The following HCFC2 variants were observed in gnomAD, a reference collection of about 807,000 sequenced individuals.
HCFC2 encodes the protein host cell factor 2.
HCFC2 carries 18 observed loss-of-function variants against 89.2 expected under a neutral mutation model. The ratio of observed to expected loss-of-function variants is 0.20; its 90% CI spans 0.14 to 0.30. The LOEUF (loss-of-function observed/expected upper bound fraction) is 0.30, where lower values mean the gene tolerates loss of function less well. Ranked by LOEUF, HCFC2 falls within the 10% of genes least tolerant of loss-of-function variation. The pLI, the probability that HCFC2 is intolerant of heterozygous loss-of-function variation, is 1.00. For missense variants in HCFC2, 578 were observed against 956.1 expected (o/e 0.60, Z 5.21); for synonymous variants, 308 against 335.7 (o/e 0.92, Z 0.90).
chr12:104,086,619 A>AAAATAAAT (rs58372181), intron 7 of HCFC2, among the ~76,000 whole-genome samples: 25,065 of 146,390 alleles, frequency 0.17, 2,126 homozygotes, highest in East Asian at 0.2. Context: ...TTTGTCTAAG[A>AAAATAAAT]AAATAAATAA....
At chr12:104,096,477 T>A (rs376296838) in intron 12 of HCFC2, 44 bp downstream of exon 12, 133 of 1,357,746 alleles carry the variant, frequency 9.8e-5, no homozygotes, top group Non-Finnish European at 8.7e-5. Flanking sequence ...CACATGATTA[T>A]GTACTTTTAA....
At chr12:104,101,693 C>T (rs1008276521) in intron 13 of HCFC2, among the ~76,000 whole-genome samples, 7 of 152,058 alleles carry the variant, frequency 4.6e-5, no homozygotes, top group South Asian at 2.1e-4. Context: ...ACATTGTTCA[C>T]GTGCAGAATG....
intron 3 of HCFC2, among the ~76,000 whole-genome samples, chr12:104,076,762 C>CTTGTATT (rs1303429058): frequency 1.4e-5 from 2 of 148,122 alleles, no homozygotes; most frequent in East Asian, 4.3e-4. Flanking sequence ...TTATTCTGCG[C>CTTGTATT]TTGTATTTTG....
chr12:104,100,361 T>C (rs1362578297), intron 13 of HCFC2, among the ~76,000 whole-genome samples: 2 of 152,060 alleles, frequency 1.3e-5, no homozygotes, highest in African/African-American at 4.8e-5. Context: ...TGGGAGGAGC[T>C]TGAGCCCAGG....
intron 14 of HCFC2, among the ~76,000 whole-genome samples, chr12:104,102,355 A>C (rs773492196): frequency 6.6e-6 from 1 of 152,174 alleles, no homozygotes; most frequent in Non-Finnish European, 1.5e-5. Flanking sequence ...GTACATGTGC[A>C]GGTTTGTTAC....
chr12:104,102,953 T>C lies in HCFC2; in HGVS notation c.2065-6T>C, dbSNP rs976544429. On this transcript the variant is annotated splice_polypyrimidine_tract_variant and splice_region_variant and intron_variant, in intron 14 of 14. Transcript: ENST00000229330. ...CTTTAACCTGTTTTTTCCCCCCCCCTTCAAGAATGTTGAAGGTATCCACCT... is the reference window on the plus strand; with the variant it reads ...CTTTAACCTGTTTTTTCCCCCCCCCCTCAAGAATGTTGAAGGTATCCACCT... 2.6e-6 allele frequency: 4 copies of C among 1,566,936 alleles called. No homozygotes were observed. Among genetic ancestry groups the C allele is most frequent in the Non-Finnish European group, 3.5e-6 (4 of 1,146,392 alleles).
At chr12:104,087,443 ATGTG>A (rs201321288) in intron 8 of HCFC2, among the ~76,000 whole-genome samples, 3 of 96,142 alleles carry the variant, frequency 3.1e-5, no homozygotes, top group Non-Finnish European at 4.1e-5. Context: ...GTGTGTGTGT[ATGTG>A]TGTGTGTATA....
At chr12:104,087,153 G>A (rs1883878048) in intron 8 of HCFC2, 139 bp downstream of exon 8, 2 of 708,904 alleles carry the variant, frequency 2.8e-6, no homozygotes, top group Non-Finnish European at 4.5e-6. Context: ...TCAGGAGTTT[G>A]AGACCAGCCT....
At chr12:104,101,233 C>T (rs564865877) in intron 13 of HCFC2, among the ~76,000 whole-genome samples, 7 of 152,184 alleles carry the variant, frequency 4.6e-5, no homozygotes, top group Non-Finnish European at 1.0e-4. Flanking sequence ...CCTGTAATCC[C>T]AGCACTTTGG....
At chr12:104,082,175 A>T (rs923212324) in intron 5 of HCFC2, among the ~76,000 whole-genome samples, 2 of 152,224 alleles carry the variant, frequency 1.3e-5, no homozygotes, top group African/African-American at 2.4e-5. Flanking sequence ...TCATAGATCA[A>T]TTGAGTGTCT....
intron 8 of HCFC2, among the ~76,000 whole-genome samples, chr12:104,087,466 CATATATATAT>C (rs10548496): frequency 1.3e-4 from 18 of 139,458 alleles, no homozygotes; most frequent in African/African-American, 4.5e-4. Flanking sequence ...TATATATATA[CATATATATAT>C]ATATATATGT....
chr12:104,093,669 G>A, intron 10 of HCFC2, 106 bp downstream of exon 10: 1 of 906,874 alleles, frequency 1.1e-6, no homozygotes, highest in South Asian at 1.6e-5. Context: ...TTTCCTAATA[G>A]CAAAAAACTG....
chr12:104,102,929 T>A, intron 14 of HCFC2, 30 bp from the exon 15 acceptor site: 1 of 1,574,624 alleles, frequency 6.4e-7, no homozygotes, highest in African/African-American at 1.4e-5. Context: ...CTTAAGAACC[T>A]TTAACCTGTT....
At chr12:104,090,421 G>A (rs1334017873) in intron 9 of HCFC2, among the ~76,000 whole-genome samples, 2 of 151,940 alleles carry the variant, frequency 1.3e-5, no homozygotes, top group Non-Finnish European at 2.9e-5. Flanking sequence ...CATTTGGTGT[G>A]CCTCACCCAG....
At chr12:104,075,571 A>C (rs1389438527) in intron 3 of HCFC2, among the ~76,000 whole-genome samples, 1 of 147,356 alleles carries the variant, frequency 6.8e-6, no homozygotes, top group Non-Finnish European at 1.5e-5. Flanking sequence ...CTATACTCCC[A>C]CCTCAGCCTT....
chr12:104,080,247 A>G (rs1883644763), intron 4 of HCFC2, among the ~76,000 whole-genome samples: 1 of 152,190 alleles, frequency 6.6e-6, no homozygotes, highest in Non-Finnish European at 1.5e-5. Flanking sequence ...ATCCCTCGGT[A>G]TCTGTGGAAG....
At chr12:104,069,310 AAAC>A (rs1566224167) in intron 3 of HCFC2, among the ~76,000 whole-genome samples, 2 of 151,924 alleles carry the variant, frequency 1.3e-5, no homozygotes, top group Non-Finnish European at 2.9e-5. Context: ...TATCTTAAAA[AAAC>A]AAACAAACAA....
Position 104,103,411 on chromosome 12 carries a change from G to A in HCFC2, c.*138G>A, listed in dbSNP as rs2030008099. 2.9e-6 allele frequency: 2 copies of A among 697,186 alleles called. No homozygotes were observed. The highest frequency in any genetic ancestry group is 1.8e-5 in the African/African-American group (1 of 55,586). 43.2% of individuals were successfully genotyped at this position (697,186 alleles called of 1,614,324 possible). ...TGAGTTTGTAAATTGTTCTTAAAAT[G>A]TATTTGCTGAATTATAGATCCAAAT... On this transcript the variant is annotated 3_prime_UTR_variant, in exon 15 of 15. Coordinates refer to ENST00000229330, the MANE Select transcript of HCFC2 (RefSeq NM_013320.3).
intron 3 of HCFC2, among the ~76,000 whole-genome samples, chr12:104,073,382 CT>C (rs1883396818): frequency 6.6e-6 from 1 of 151,844 alleles, no homozygotes; most frequent in Admixed American, 6.6e-5. Context: ...CCAGGCTGGT[CT>C]CGAACTCCTG....
Sources: allele counts gnomAD v4.1 joint callset (sites outside exome capture counted in the v4.1 genomes callset), GRCh38; gene constraint gnomAD v4.1.1; transcripts MANE v1.5; gene names NCBI Gene and HGNC (gene_info 2026-07-23, HGNC 2026-07-21).